MTCL3: variants seen among roughly 807,000 people sequenced by gnomAD.
The protein encoded by MTCL3 is MTCL family member 3, also known as microtubule cross-linking factor 3.
At chr6:127,509,202 T>G in the MTCL3 span, among the ~76,000 whole-genome samples, 3 of 152,216 alleles carry the variant, frequency 2.0e-5, no homozygotes, top group Admixed American at 1.3e-4. Context: ...CCCTCTTGTT[T>G]GCAGTTGGTC....
the MTCL3 span, among the ~76,000 whole-genome samples, chr6:127,502,170 G>A: frequency 6.6e-6 from 1 of 152,176 alleles, no homozygotes; most frequent in Non-Finnish European, 1.5e-5. Context: ...CTTAAATTCA[G>A]AGAACATTAA....
the MTCL3 span, among the ~76,000 whole-genome samples, chr6:127,492,738 G>A: frequency 2.6e-5 from 4 of 152,122 alleles, no homozygotes; most frequent in Admixed American, 1.3e-4. Flanking sequence ...TAGCCAGGGT[G>A]GTCTCAATCT....
At chr6:127,490,112 A>G in the MTCL3 span, among the ~76,000 whole-genome samples, 1 of 152,362 alleles carries the variant, frequency 6.6e-6, no homozygotes, top group South Asian at 2.1e-4. Context: ...TAGGGTCATT[A>G]AGAATTATGC....
At chr6:127,483,454 AC>A in the MTCL3 span, among the ~76,000 whole-genome samples, 2 of 151,766 alleles carry the variant, frequency 1.3e-5, no homozygotes, top group Non-Finnish European at 2.9e-5. Context: ...ACCACACATC[AC>A]CCCCTTGCTC....
At chr6:127,504,701 C>T in the MTCL3 span, among the ~76,000 whole-genome samples, 4 of 152,156 alleles carry the variant, frequency 2.6e-5, no homozygotes, top group Non-Finnish European at 5.9e-5. Context: ...AGGTTGATGT[C>T]TGTCACACAT....
chr6:127,494,880 G>A, the MTCL3 span, among the ~76,000 whole-genome samples: 1 of 152,134 alleles, frequency 6.6e-6, no homozygotes, highest in Non-Finnish European at 1.5e-5. Context: ...ATGGATTTAA[G>A]ACTGGGATAT....
chr6:127,510,788 G>A, the MTCL3 span, among the ~76,000 whole-genome samples: 1 of 152,218 alleles, frequency 6.6e-6, no homozygotes, highest in South Asian at 2.1e-4. Context: ...CTCACAGGAA[G>A]CTATTAGATT....
the MTCL3 span, chr6:127,475,887 G>C: frequency 6.2e-7 from 1 of 1,613,620 alleles, no homozygotes. This position sits in a 1 kb window ranked among gnomAD's most constrained non-coding sequence, Gnocchi z 7.3. Flanking sequence ...CGCTGAGCTC[G>C]TTGATCTGCA....
the MTCL3 span, among the ~76,000 whole-genome samples, chr6:127,487,821 A>G: frequency 3.0e-4 from 45 of 152,192 alleles, no homozygotes; most frequent in Non-Finnish European, 5.4e-4. Context: ...AGTTAGAGTC[A>G]TGCTTTACTA....
At chr6:127,479,015 T>TAAAA in the MTCL3 span, among the ~76,000 whole-genome samples, 2 of 52,324 alleles carry the variant, frequency 3.8e-5, no homozygotes, top group Non-Finnish European at 7.5e-5. Flanking sequence ...AGACTCCATC[T>TAAAA]AAAAAAAAAA....
At chr6:127,473,218 C>T in the MTCL3 span, 2 of 1,412,768 alleles carry the variant, frequency 1.4e-6, no homozygotes, top group South Asian at 3.4e-5. Context: ...TACTTCTTGT[C>T]TTGAAGGGTG....
At chr6:127,504,496 T>TA in the MTCL3 span, among the ~76,000 whole-genome samples, 10 of 152,218 alleles carry the variant, frequency 6.6e-5, no homozygotes, top group African/African-American at 2.4e-4. Flanking sequence ...AATAAGATGC[T>TA]ATTTCTGCCA....
chr6:127,515,067 C>T, the MTCL3 span: 1 of 1,609,110 alleles, frequency 6.2e-7, no homozygotes, highest in Admixed American at 1.7e-5. The surrounding 1 kb of genome is among the most constrained non-coding windows in gnomAD (Gnocchi z 4.3). Flanking sequence ...TGACAGGCCG[C>T]GTGTCAAAAT....
chr6:127,502,098 A>G, the MTCL3 span, among the ~76,000 whole-genome samples: 2 of 152,342 alleles, frequency 1.3e-5, no homozygotes, highest in South Asian at 2.1e-4. Flanking sequence ...TTGCCCAAAC[A>G]TTTATTGATA....
At chr6:127,493,769 G>T in the MTCL3 span, among the ~76,000 whole-genome samples, 1 of 152,200 alleles carries the variant, frequency 6.6e-6, no homozygotes, top group Non-Finnish European at 1.5e-5. Flanking sequence ...TCTAAAAACT[G>T]ATACAATGCC....
the MTCL3 span, among the ~76,000 whole-genome samples, chr6:127,490,684 A>T: frequency 2.6e-5 from 4 of 152,000 alleles, no homozygotes; most frequent in Non-Finnish European, 4.4e-5. Flanking sequence ...TAGTGTAGTG[A>T]TGCGTGCCTG....
chr6:127,492,130 G>A, the MTCL3 span, among the ~76,000 whole-genome samples: 1 of 152,132 alleles, frequency 6.6e-6, no homozygotes, highest in Non-Finnish European at 1.5e-5. Flanking sequence ...CTAGTGAACA[G>A]CCAGTTAATC....
chr6:127,510,862 A>C, the MTCL3 span, among the ~76,000 whole-genome samples: 1 of 152,168 alleles, frequency 6.6e-6, no homozygotes, highest in Admixed American at 6.5e-5. Context: ...CATATATTGA[A>C]GTCCTAACCC....
At chr6:127,500,943 C>T in the MTCL3 span, among the ~76,000 whole-genome samples, 2 of 152,110 alleles carry the variant, frequency 1.3e-5, no homozygotes, top group Admixed American at 6.5e-5. Context: ...TCCCAAGTAG[C>T]TGGGATTACA....
Sources: gnomAD v4.1 joint callset for allele counts (sites outside exome capture counted in the v4.1 genomes callset) on GRCh38, gnomAD v4.1.1 for gene constraint, Gnocchi (gnomAD v3.1) non-coding constraint, MANE v1.5 for transcripts, NCBI Gene and HGNC (gene_info 2026-07-23, HGNC 2026-07-21) for gene names.